Variants in HYAL4 observed in about 807,000 individuals in gnomAD.
HYAL4 encodes hyaluronidase 4, also known as hyaluronidase-4.
A neutral mutation model predicts 35.2 loss-of-function variants in HYAL4; 37 were observed. That is an observed-to-expected ratio of 1.05 (90% CI 0.81 to 1.38). The LOEUF is 1.38. Among genes scored for constraint, HYAL4 ranks in the 40% most tolerant of loss-of-function variants. The pLI is 0.00. For missense variants in HYAL4, 572 were observed against 572.4 expected, an observed-to-expected ratio of 1.00 and a Z score of 0.01; for synonymous variants, 198 against 203.2, an observed-to-expected ratio of 0.97 and a Z score of 0.22.
the HYAL4 span, among the ~76,000 whole-genome samples, chr7:123,784,490 T>A: frequency 6.6e-6 from 1 of 152,136 alleles, no homozygotes; most frequent in African/African-American, 2.4e-5. Context: ...TTGGAAAGAA[T>A]TATTTTGGAA....
the HYAL4 span, among the ~76,000 whole-genome samples, chr7:123,811,637 T>C: frequency 6.6e-6 from 1 of 152,198 alleles, no homozygotes; most frequent in Non-Finnish European, 1.5e-5. Context: ...GCTTGTCTTC[T>C]CATTTTCTTA....
At chr7:123,819,204 C>T in the HYAL4 span, 1 of 152,554 alleles carries the variant, frequency 6.6e-6, no homozygotes, top group Non-Finnish European at 1.5e-5. Flanking sequence ...CCTTGTGGTA[C>T]AGTCCTTTGT....
chr7:123,869,297 A>G (rs1039404600), intron 3 of HYAL4, 70 bp downstream of exon 3: 1 of 1,054,654 alleles, frequency 9.5e-7, no homozygotes, highest in Admixed American at 2.9e-5. Flanking sequence ...TTTGTTAATT[A>G]TGTTCTTTGA....
At chr7:123,787,487 T>C in the HYAL4 span, among the ~76,000 whole-genome samples, 8 of 152,278 alleles carry the variant, frequency 5.3e-5, no homozygotes, top group African/African-American at 1.9e-4. Flanking sequence ...CCTAGCAGCC[T>C]TCTCCAAAGC....
the HYAL4 span, among the ~76,000 whole-genome samples, chr7:123,816,133 T>C: frequency 6.6e-6 from 1 of 152,152 alleles, no homozygotes; most frequent in African/African-American, 2.4e-5. Flanking sequence ...CTTCTTATAT[T>C]AGAAGGGAAA....
At chr7:123,815,853 G>A in the HYAL4 span, among the ~76,000 whole-genome samples, 1 of 152,180 alleles carries the variant, frequency 6.6e-6, no homozygotes, top group Non-Finnish European at 1.5e-5. Flanking sequence ...AGCTCACTTA[G>A]ACCACTTAGG....
chr7:123,769,836 A>C, the HYAL4 span, among the ~76,000 whole-genome samples: 41 of 151,868 alleles, frequency 2.7e-4, 1 homozygote, highest in Middle Eastern at 3.4e-3. Flanking sequence ...AAAAAAAAAA[A>C]CACCGTTAAA....
At chr7:123,775,370 A>G in the HYAL4 span, among the ~76,000 whole-genome samples, 5 of 152,288 alleles carry the variant, frequency 3.3e-5, no homozygotes, top group Middle Eastern at 3.4e-3. Context: ...TTGAGGCTGC[A>G]ATGAGCTGTG....
chr7:123,770,408 C>T, the HYAL4 span, among the ~76,000 whole-genome samples: 2 of 146,628 alleles, frequency 1.4e-5, no homozygotes, highest in Admixed American at 6.9e-5. Context: ...CGCCACTGCA[C>T]TCAAGCCTGG....
chr7:123,836,383 A>G (rs1473069253), intron 1 of HYAL4, among the ~76,000 whole-genome samples: 1 of 152,042 alleles, frequency 6.6e-6, no homozygotes, highest in Non-Finnish European at 1.5e-5. Flanking sequence ...GTTTTGTCTG[A>G]TATAAGGATA....
chr7:123,810,107 GT>G, the HYAL4 span, among the ~76,000 whole-genome samples: 11 of 152,198 alleles, frequency 7.2e-5, no homozygotes, highest in African/African-American at 2.7e-4. Context: ...GACAAGGAGT[GT>G]TTCACTTCTT....
At chr7:123,832,476 ATAC>A (rs1805898354) in intron 1 of HYAL4, among the ~76,000 whole-genome samples, 1 of 58,442 alleles carries the variant, frequency 1.7e-5, no homozygotes, top group African/African-American at 6.4e-5. Flanking sequence ...CTATTGTGTC[ATAC>A]TTTTTTTTTT....
chr7:123,788,589 A>C, the HYAL4 span, among the ~76,000 whole-genome samples: 1 of 152,170 alleles, frequency 6.6e-6, no homozygotes, highest in East Asian at 1.9e-4. Flanking sequence ...ACATATTGTG[A>C]AGTTACTAAA....
At chr7:123,778,159 GTCTATCTA>G in the HYAL4 span, among the ~76,000 whole-genome samples, 14,713 of 120,718 alleles carry the variant, frequency 0.12, 1,049 homozygotes, top group African/African-American at 0.21. Context: ...CTGTCTGTCT[GTCTATCTA>G]TCTATCTATC....
the HYAL4 span, among the ~76,000 whole-genome samples, chr7:123,784,128 T>C: frequency 6.6e-6 from 1 of 152,190 alleles, no homozygotes; most frequent in Non-Finnish European, 1.5e-5. Flanking sequence ...ATCTGTATAG[T>C]AAATAATTTT....
At chr7:123,789,796 A>G in the HYAL4 span, among the ~76,000 whole-genome samples, 4 of 152,152 alleles carry the variant, frequency 2.6e-5, no homozygotes, top group African/African-American at 4.8e-5. Context: ...CCATATACAC[A>G]TAAGTACAAA....
intron 2 of HYAL4, among the ~76,000 whole-genome samples, chr7:123,861,181 C>T (rs561905449): frequency 6.6e-6 from 1 of 152,246 alleles, no homozygotes; most frequent in South Asian, 2.1e-4. Context: ...CTCAGCTCCC[C>T]ATCTCTAGTT....
intron 2 of HYAL4, among the ~76,000 whole-genome samples, chr7:123,853,047 T>G (rs1301782858): frequency 6.6e-6 from 1 of 152,194 alleles, no homozygotes; most frequent in Non-Finnish European, 1.5e-5. Context: ...GGTCTATCAT[T>G]GGTGTATAGG....
the HYAL4 span, among the ~76,000 whole-genome samples, chr7:123,782,604 A>G: frequency 6.6e-6 from 1 of 151,924 alleles, no homozygotes; most frequent in Admixed American, 6.6e-5. Context: ...TTGTCCTGGC[A>G]TAATTATTAA....
Sources: allele counts gnomAD v4.1 joint callset (sites outside exome capture counted in the v4.1 genomes callset), GRCh38; gene constraint gnomAD v4.1.1; transcripts MANE v1.5; gene names NCBI Gene and HGNC (gene_info 2026-07-23, HGNC 2026-07-21).